The following BNC2 variants were observed in gnomAD, a reference collection of about 807,000 sequenced individuals.
BNC2 encodes the protein zinc finger protein basonuclin-2.
Under a neutral mutation model 76.3 loss-of-function variants are expected in BNC2, and 20 were observed. The ratio of observed to expected loss-of-function variants is 0.26; its 90% CI spans 0.18 to 0.38. BNC2 has a LOEUF of 0.38. BNC2 is among the 10% of genes least tolerant of loss of function. The pLI, the probability that BNC2 is intolerant of heterozygous loss-of-function variation, is 1.00. For missense variants in BNC2, 1,382 were observed against 1,399.8 expected (o/e 0.99, Z 0.20); for synonymous variants, 582 against 514.8 (o/e 1.13, Z -1.77).
chr9:16,752,157 A>T (rs1330295), intron 1 of BNC2, among the ~76,000 whole-genome samples: 3 of 152,156 alleles, frequency 2.0e-5, no homozygotes, highest in Admixed American at 6.5e-5. Flanking sequence ...AGAGATCCGA[A>T]GATAAACTGG....
At chr9:16,461,510 G>C (rs766368324) in intron 5 of BNC2, among the ~76,000 whole-genome samples, 14 of 151,856 alleles carry the variant, frequency 9.2e-5, no homozygotes, top group African/African-American at 2.4e-4. Context: ...TCCTAAGTGA[G>C]GCCTCACAGA....
At chr9:16,608,902 G>A (rs1820458712) in intron 3 of BNC2, among the ~76,000 whole-genome samples, 1 of 152,102 alleles carries the variant, frequency 6.6e-6, no homozygotes, top group Non-Finnish European at 1.5e-5. Flanking sequence ...TTTCTTCAAA[G>A]CTCTAGGTTT....
At chr9:16,470,945 G>A (rs1315177933) in intron 5 of BNC2, among the ~76,000 whole-genome samples, 1 of 152,154 alleles carries the variant, frequency 6.6e-6, no homozygotes, top group East Asian at 1.9e-4. Flanking sequence ...TTAGACCCGA[G>A]AATGGTAAAT....
At chr9:16,649,637 T>C (rs1821736761) in intron 3 of BNC2, among the ~76,000 whole-genome samples, 1 of 152,322 alleles carries the variant, frequency 6.6e-6, no homozygotes, top group South Asian at 2.1e-4. Context: ...CAGGCCTCTG[T>C]TTCTTTTAAT....
In BNC2 at chr9:16,786,587, T is replaced by G. The variant is rs7049126; in HGVS notation, c.4-48102A>C. The stretch of plus-strand genomic sequence containing the variant: ...GATATGAAATGTAAACCCTTTTCTG[T>G]CCCGGATACCATATAATCAGGGTTC... On this transcript the variant is annotated intron_variant, in intron 1 of 6. Coordinates refer to ENST00000380672, the MANE Select transcript of BNC2 (RefSeq NM_017637.6). Among the ~76,000 whole-genome samples the G allele has an allele frequency of 2.2e-3, 333 of 152,258 alleles. 2 individuals are homozygous for G. Among genetic ancestry groups the G allele is most frequent in the African/African-American group, 7.3e-3 (302 of 41,538 alleles).
intron 5 of BNC2, among the ~76,000 whole-genome samples, chr9:16,549,701 A>ACAAAG (rs943176860): frequency 6.6e-6 from 1 of 152,226 alleles, no homozygotes; most frequent in African/African-American, 2.4e-5. Flanking sequence ...TCTTTACAAA[A>ACAAAG]CAAAGCATTT....
At chr9:16,728,753 A>G (rs1824425147) in intron 2 of BNC2, among the ~76,000 whole-genome samples, 1 of 152,060 alleles carries the variant, frequency 6.6e-6, no homozygotes, top group Non-Finnish European at 1.5e-5. Flanking sequence ...TATAACATAG[A>G]AGATGCACAA....
intron 5 of BNC2, among the ~76,000 whole-genome samples, chr9:16,551,873 C>G (rs1335880288): frequency 6.6e-6 from 1 of 152,050 alleles, no homozygotes; most frequent in Non-Finnish European, 1.5e-5. Context: ...CTCTTAGAGC[C>G]CTTACCAGGT....
At chr9:16,761,931 C>G (rs1371145754) in intron 1 of BNC2, among the ~76,000 whole-genome samples, 1 of 151,896 alleles carries the variant, frequency 6.6e-6, no homozygotes, top group Admixed American at 6.6e-5. Context: ...AATAAGGTAA[C>G]AGAAGTAAAA....
chr9:16,421,183 G>C, intron 6 of BNC2: 1 of 972,784 alleles, frequency 1.0e-6, no homozygotes, highest in Non-Finnish European at 1.4e-6. Context: ...TTCCACACAA[G>C]ACAATATACA....
intron 3 of BNC2, among the ~76,000 whole-genome samples, chr9:16,598,838 T>C (rs1820166182): frequency 6.6e-6 from 1 of 152,194 alleles, no homozygotes. Context: ...ACCTATTCCT[T>C]CTACCTGGAA....
At chr9:16,865,778 T>C (rs1389474327) in intron 1 of BNC2, among the ~76,000 whole-genome samples, 2 of 152,276 alleles carry the variant, frequency 1.3e-5, no homozygotes, top group Non-Finnish European at 1.5e-5. Flanking sequence ...ATCTGTAATA[T>C]CATTCTTACG....
At chr9:16,612,807 G>T (rs1820586464) in intron 3 of BNC2, among the ~76,000 whole-genome samples, 1 of 152,124 alleles carries the variant, frequency 6.6e-6, no homozygotes, top group African/African-American at 2.4e-5. Context: ...TGAAGGAAGT[G>T]GTTTGGAAGA....
chr9:16,856,818 C>G (rs1441630560), intron 1 of BNC2, among the ~76,000 whole-genome samples: 1 of 152,122 alleles, frequency 6.6e-6, no homozygotes, highest in Non-Finnish European at 1.5e-5. Flanking sequence ...AGAAGCCTAC[C>G]TGTTAGCATT....
chr9:16,525,810 T>A (rs1376769191), intron 5 of BNC2, among the ~76,000 whole-genome samples: 1 of 152,214 alleles, frequency 6.6e-6, no homozygotes, highest in Admixed American at 6.5e-5. Context: ...AGATATGTTG[T>A]GTTTTACATG....
intron 1 of BNC2, among the ~76,000 whole-genome samples, chr9:16,754,283 A>G (rs1217434739): frequency 6.6e-6 from 1 of 152,102 alleles, no homozygotes; most frequent in East Asian, 1.9e-4. Context: ...CTATTTTCCT[A>G]CTTGCCAAAC....
intron 5 of BNC2, among the ~76,000 whole-genome samples, chr9:16,516,536 C>G (rs1817445840): frequency 1.3e-5 from 2 of 152,138 alleles, no homozygotes; most frequent in Admixed American, 6.5e-5. Context: ...AGAAACCCCC[C>G]CAATACAGGG....
At chr9:16,612,865 A>C (rs1820588256) in intron 3 of BNC2, among the ~76,000 whole-genome samples, 3 of 152,172 alleles carry the variant, frequency 2.0e-5, no homozygotes, top group Admixed American at 1.3e-4. Flanking sequence ...TCAAGGTCAG[A>C]GACCATGTCT....
At chr9:16,704,256 T>C (rs1481924510) in intron 3 of BNC2, among the ~76,000 whole-genome samples, 3 of 152,134 alleles carry the variant, frequency 2.0e-5, no homozygotes, top group African/African-American at 4.8e-5. Context: ...ATACACACCC[T>C]CAGTAACTGT....
Sources: allele counts gnomAD v4.1 joint callset (sites outside exome capture counted in the v4.1 genomes callset), GRCh38; gene constraint gnomAD v4.1.1; transcripts MANE v1.5; gene names NCBI Gene and HGNC (gene_info 2026-07-23, HGNC 2026-07-21).